The following SLC5A4 variants were observed in gnomAD, a reference collection of about 807,000 sequenced individuals.
SLC5A4 encodes the protein solute carrier family 5 member 4.
A neutral mutation model predicts 70.3 loss-of-function variants in SLC5A4; 55 were observed. The observed-to-expected ratio is 0.78, with a 90% CI of 0.63 to 0.98. The LOEUF (loss-of-function observed/expected upper bound fraction) is 0.98. Among genes scored for constraint, SLC5A4 ranks in the 50% least tolerant of loss-of-function variants. The pLI is 0.00. For synonymous variants in SLC5A4, 268 were observed against 305.7 expected (o/e 0.88, Z 1.29); for missense variants, 735 against 839.2 (o/e 0.88, Z 1.53).
At chr22:32,232,863 A>G in intron 9 of SLC5A4, 36 bp downstream of exon 9, 1 of 1,582,126 alleles carries the variant, frequency 6.3e-7, no homozygotes, top group Non-Finnish European at 8.6e-7. Context: ...GAATACAAGC[A>G]TAAAAAAAGA....
intron 11 of SLC5A4, among the ~76,000 whole-genome samples, chr22:32,228,270 G>A (rs1925522293): frequency 6.6e-6 from 1 of 152,080 alleles, no homozygotes; most frequent in South Asian, 2.1e-4. Flanking sequence ...CAGGCCGGCG[G>A]TGGCTCACAC....
chr22:32,351,936 A>G, the SLC5A4 span, among the ~76,000 whole-genome samples: 3 of 151,904 alleles, frequency 2.0e-5, no homozygotes, highest in African/African-American at 7.3e-5. Flanking sequence ...AATGATGATA[A>G]GCAGAAGAAA....
chr22:32,332,813 C>T, the SLC5A4 span, among the ~76,000 whole-genome samples: 4 of 152,154 alleles, frequency 2.6e-5, no homozygotes, highest in African/African-American at 4.8e-5. Context: ...ACTGCTTTAA[C>T]GGGAGGATGC....
chr22:32,344,876 A>G, the SLC5A4 span, among the ~76,000 whole-genome samples: 1 of 152,190 alleles, frequency 6.6e-6, no homozygotes, highest in South Asian at 2.1e-4. Flanking sequence ...GCTTCAGAAT[A>G]CGGAAATTAA....
chr22:32,260,956 C>T, the SLC5A4 span, among the ~76,000 whole-genome samples: 14 of 152,068 alleles, frequency 9.2e-5, no homozygotes, highest in Admixed American at 2.0e-4. Context: ...TCCTGTAATC[C>T]CAGCTAGTCA....
chr22:32,324,416 CCTCTTACCAACAGGA>C, the SLC5A4 span, among the ~76,000 whole-genome samples: 5 of 152,214 alleles, frequency 3.3e-5, no homozygotes, highest in East Asian at 1.9e-4. Context: ...GGCCTCAGGG[CCTCTTACCAACAGGA>C]CTCTTACCGC....
At position 32,247,408 on chromosome 22, in the gene SLC5A4, C is replaced by T. The variant is rs375905554; in HGVS notation, c.477+3G>A. 1.2e-6 allele frequency: 2 copies of T among 1,600,094 alleles called. No homozygotes were observed. Among genetic ancestry groups the T allele is most frequent in the African/African-American group, 2.7e-5 (2 of 74,670 alleles). On this transcript the variant is annotated splice_donor_region_variant and intron_variant, in intron 5 of 14. Transcript: ENST00000266086. ...CTAAAATGCCAGGAGGCTCTGAACT[C>T]ACAGAAATTAACAAAACCACACAGA...
At chr22:32,224,566 G>A (rs1742057514) in intron 12 of SLC5A4, 84 bp from the exon 13 acceptor site, 1 of 1,139,822 alleles carries the variant, frequency 8.8e-7, no homozygotes, top group East Asian at 2.5e-5. Flanking sequence ...AATCCTGCCT[G>A]CTTTCTCAGT....
Position 32,248,161 on chromosome 22 carries a change from C to A in SLC5A4, c.372+582G>T, listed in dbSNP as rs1486083312. Among the ~76,000 whole-genome samples the A allele has an allele frequency of 2.6e-5, 4 of 152,238 alleles. No individual in the cohort carries two copies. In the East Asian group the frequency reaches 7.7e-4, roughly 29 times the overall value. Reference sequence around the variant, plus strand: ...ATAGGCCAGGTGAAGGGCAGGGACCCAGGTTTCATGATTGAAGAGAAAAAA... The same window carrying A: ...ATAGGCCAGGTGAAGGGCAGGGACCAAGGTTTCATGATTGAAGAGAAAAAA... On this transcript the variant is annotated intron_variant, in intron 4 of 14. Transcript: ENST00000266086.
the SLC5A4 span, among the ~76,000 whole-genome samples, chr22:32,312,720 C>T: frequency 2.9e-4 from 44 of 152,180 alleles, no homozygotes; most frequent in Middle Eastern, 0.01. Flanking sequence ...TCTACCACCT[C>T]GGCTGTCCCT....
At chr22:32,326,374 A>G in the SLC5A4 span, among the ~76,000 whole-genome samples, 2 of 150,828 alleles carry the variant, frequency 1.3e-5, no homozygotes, top group East Asian at 3.9e-4. Flanking sequence ...CTCCTGCCTC[A>G]GCCTCCCAAG....
the SLC5A4 span, among the ~76,000 whole-genome samples, chr22:32,310,573 G>A: frequency 6.6e-6 from 1 of 152,092 alleles, no homozygotes; most frequent in African/African-American, 2.4e-5. Flanking sequence ...CTCTAATTGA[G>A]ACCCCCCAGC....
At chr22:32,251,972 G>A in intron 2 of SLC5A4, 98 bp from the exon 3 acceptor site, 3 of 829,916 alleles carry the variant, frequency 3.6e-6, no homozygotes, top group South Asian at 1.5e-5. Context: ...GCTCACGCCT[G>A]TAATCCCAGC....
chr22:32,337,354 A>C, the SLC5A4 span, among the ~76,000 whole-genome samples: 3 of 152,218 alleles, frequency 2.0e-5, no homozygotes, highest in Admixed American at 6.5e-5. Flanking sequence ...GCAACGTGGC[A>C]AAACTCTGTC....
the SLC5A4 span, among the ~76,000 whole-genome samples, chr22:32,309,562 C>T: frequency 6.6e-6 from 1 of 152,116 alleles, no homozygotes; most frequent in South Asian, 2.1e-4. Flanking sequence ...ACCTGCCAGC[C>T]ATAACCACAG....
chr22:32,228,779 T>A (rs1476735200), intron 11 of SLC5A4, among the ~76,000 whole-genome samples: 1 of 152,134 alleles, frequency 6.6e-6, no homozygotes, highest in Non-Finnish European at 1.5e-5. Flanking sequence ...ATATGACTGA[T>A]AAACTCCTCT....
At chr22:32,280,429 A>G in the SLC5A4 span, among the ~76,000 whole-genome samples, 3 of 152,180 alleles carry the variant, frequency 2.0e-5, no homozygotes, top group South Asian at 6.2e-4. Context: ...ACTTGGACCC[A>G]CACATAGAGC....
the SLC5A4 span, among the ~76,000 whole-genome samples, chr22:32,310,512 T>A: frequency 7.2e-5 from 2 of 27,846 alleles, no homozygotes; most frequent in African/African-American, 2.4e-4. Context: ...AACATGGGCC[T>A]GGGGGGTGCC....
chr22:32,270,354 G>T, the SLC5A4 span: 1 of 1,285,586 alleles, frequency 7.8e-7, no homozygotes, highest in Non-Finnish European at 1.1e-6. Context: ...CGGTGCTGCA[G>T]AAGAGCATCC....
Sources: allele counts gnomAD v4.1 joint callset (sites outside exome capture counted in the v4.1 genomes callset), GRCh38; gene constraint gnomAD v4.1.1; transcripts MANE v1.5; gene names NCBI Gene and HGNC (gene_info 2026-07-23, HGNC 2026-07-21).